The following SPOCK1 variants were observed in gnomAD, a reference collection of about 807,000 sequenced individuals.
SPOCK1 encodes the protein SPARC (osteonectin), cwcv and kazal like domains proteoglycan 1.
A neutral mutation model predicts 55.3 loss-of-function variants in SPOCK1; 23 were observed. That is an observed-to-expected ratio of 0.42 (90% CI 0.30 to 0.59). The LOEUF (loss-of-function observed/expected upper bound fraction) is 0.59. SPOCK1 is among the 20% of genes least tolerant of loss of function. SPOCK1 has a pLI of 0.22. For synonymous variants in SPOCK1, 226 were observed against 221.0 expected, an observed-to-expected ratio of 1.02 and a Z score of -0.20; for missense variants, 499 against 552.5, an observed-to-expected ratio of 0.90 and a Z score of 0.97.
chr5:136,992,563 C>T lies in SPOCK1; in HGVS notation c.627G>A (p.Arg209=). ...TDKELRNLAS[R]LKDWFGALHE... is the part of the protein sequence containing the mutation. ...GGAGAGCTCCAAACCAATCCTTCAG[C>T]CGGGAGGCAAGGTTCCGCAACTCCT... The change falls in exon 7 of 11, where the codon CGG becomes CGA. Residue 209 remains arginine (R), a synonymous_variant. Transcript: ENST00000394945. 10 of 1,613,768 alleles carry T rather than the reference C, an allele frequency of 6.2e-6. No individual in the cohort carries two copies. The highest frequency in any genetic ancestry group is 8.5e-6 in the Non-Finnish European group (10 of 1,179,818).
At chr5:137,086,132 G>A (rs1752956608) in intron 5 of SPOCK1, among the ~76,000 whole-genome samples, 1 of 152,180 alleles carries the variant, frequency 6.6e-6, no homozygotes, top group African/African-American at 2.4e-5. Flanking sequence ...TGGAGGCAAA[G>A]CACACCTGAC....
At chr5:137,330,595 A>T (rs1339217912) in intron 2 of SPOCK1, among the ~76,000 whole-genome samples, 1 of 152,244 alleles carries the variant, frequency 6.6e-6, no homozygotes, top group African/African-American at 2.4e-5. Context: ...TAGTAAAAAT[A>T]TCCACTCATG....
At chr5:137,032,140 T>C (rs1751793016) in intron 6 of SPOCK1, among the ~76,000 whole-genome samples, 1 of 151,772 alleles carries the variant, frequency 6.6e-6, no homozygotes, top group Non-Finnish European at 1.5e-5. Context: ...CTCCTCAAAC[T>C]CACTAGAAAC....
chr5:137,005,032 G>T (rs1751219457), intron 6 of SPOCK1, among the ~76,000 whole-genome samples: 1 of 152,200 alleles, frequency 6.6e-6, no homozygotes, highest in African/African-American at 2.4e-5. Context: ...CTTCTTGTAG[G>T]CAAGAGGCTT....
chr5:137,064,000 A>G (rs1335129185), intron 6 of SPOCK1, among the ~76,000 whole-genome samples: 2 of 152,184 alleles, frequency 1.3e-5, no homozygotes, highest in Admixed American at 1.3e-4. Flanking sequence ...AGGGCCAAGA[A>G]GAAGCTGAGA....
In SPOCK1 at chr5:137,211,576, T is replaced by C. The variant is rs149638691; in HGVS notation, c.232+55434A>G. On this transcript the variant is annotated intron_variant, in intron 3 of 10. Coordinates refer to ENST00000394945, the MANE Select transcript of SPOCK1 (RefSeq NM_004598.4). ...AATCTCTGGAGTGATGAGTGTCTTT[T>C]GTACGCTAATGAGTTGACTGGCAGT... Among the ~76,000 whole-genome samples, 79 of 152,274 alleles carry C rather than the reference T, an allele frequency of 5.2e-4. 1 individual carries two copies. The East Asian group carries it at 0.014, about 28-fold the overall frequency.
At chr5:137,178,106 T>C (rs962643810) in intron 3 of SPOCK1, among the ~76,000 whole-genome samples, 1 of 152,178 alleles carries the variant, frequency 6.6e-6, no homozygotes, top group African/African-American at 2.4e-5. Flanking sequence ...ACCATCCAGA[T>C]CAATGCAAGT....
chr5:137,174,458 G>A (rs1754814822), intron 3 of SPOCK1, among the ~76,000 whole-genome samples: 1 of 152,090 alleles, frequency 6.6e-6, no homozygotes, highest in Admixed American at 6.5e-5. Context: ...TTTCATACAT[G>A]CCCTAATTTC....
intron 8 of SPOCK1, among the ~76,000 whole-genome samples, chr5:136,986,015 C>A (rs1040387568): frequency 1.3e-5 from 2 of 152,144 alleles, no homozygotes; most frequent in South Asian, 4.1e-4. Context: ...GCAGGCCCCA[C>A]ACTTGCATAT....
chr5:137,170,714 T>C (rs776983838), intron 3 of SPOCK1, among the ~76,000 whole-genome samples: 9 of 152,158 alleles, frequency 5.9e-5, no homozygotes, highest in South Asian at 4.1e-4. Context: ...CTAATTATGC[T>C]GCCTCCCTGA....
chr5:137,469,611 A>T (rs1014990082), intron 2 of SPOCK1, among the ~76,000 whole-genome samples: 7 of 152,366 alleles, frequency 4.6e-5, no homozygotes, highest in African/African-American at 1.4e-4. Flanking sequence ...TGTACTGCAC[A>T]TATCTAAAGG....
At chr5:137,080,305 T>C (rs1016468881) in intron 5 of SPOCK1, among the ~76,000 whole-genome samples, 1 of 152,206 alleles carries the variant, frequency 6.6e-6, no homozygotes, top group African/African-American at 2.4e-5. Context: ...CTAAAGTCTG[T>C]GCTCTTAAGA....
chr5:137,101,338 T>C (rs558684899), intron 5 of SPOCK1, among the ~76,000 whole-genome samples: 2 of 152,358 alleles, frequency 1.3e-5, no homozygotes, highest in South Asian at 2.1e-4. Flanking sequence ...CTTAATTTCA[T>C]CTCCTGATGA....
chr5:137,029,732 T>C (rs985904786), intron 6 of SPOCK1, among the ~76,000 whole-genome samples: 7 of 152,238 alleles, frequency 4.6e-5, no homozygotes, highest in African/African-American at 1.2e-4. Flanking sequence ...TGGTGGCTCA[T>C]GCCTATAATC....
Position 136,978,220 on chromosome 5 carries a change from C to T in SPOCK1, c.*434G>A. On this transcript the variant is annotated 3_prime_UTR_variant, in exon 11 of 11. Transcript: ENST00000394945. Reference sequence around the variant, plus strand: ...TTTGTTTTTTTCTTTTTCACAACATCTACAGGACACAAGAGAAGCACTTAG... The same window carrying T: ...TTTGTTTTTTTCTTTTTCACAACATTTACAGGACACAAGAGAAGCACTTAG... 1 of 318,988 alleles carries T rather than the reference C, an allele frequency of 3.1e-6. No homozygotes were observed. The highest frequency in any genetic ancestry group is 5.7e-6 in the Non-Finnish European group (1 of 176,644). The allele number at this position is 318,988 out of a possible 1,614,324, so 19.8% of individuals were successfully genotyped here. A position where few individuals can be genotyped will look rare whatever the true frequency, so the allele number is the denominator to read the frequency against.
intron 2 of SPOCK1, among the ~76,000 whole-genome samples, chr5:137,401,558 C>CAAAAAAAAAAA (rs34044799): frequency 1.0e-5 from 1 of 100,452 alleles, no homozygotes. Flanking sequence ...CTCATCTCTA[C>CAAAAAAAAAAA]AAAAAAAAAA....
At position 137,320,368 on chromosome 5, in the gene SPOCK1, G is replaced by T. The variant is rs148014343; in HGVS notation, c.187-53313C>A. 3.1e-4 allele frequency among the ~76,000 whole-genome samples: 47 copies of T among 152,242 alleles called. No homozygotes were observed. The East Asian group carries it at 8.3e-3, about 27-fold the overall frequency. ...ACCAGAGAACTTGTAGTATCACACA[G>T]AGACACCAGCACAGCTTGCCACAAT... On this transcript the variant is annotated intron_variant, in intron 2 of 10. Transcript: ENST00000394945.
At chr5:137,369,524 T>C (rs193203102) in intron 2 of SPOCK1, among the ~76,000 whole-genome samples, 45 of 152,316 alleles carry the variant, frequency 3.0e-4, no homozygotes, top group Admixed American at 5.9e-4. Flanking sequence ...TATCCCCAGA[T>C]TGACCTGGGT....
intron 3 of SPOCK1, among the ~76,000 whole-genome samples, chr5:137,169,445 CAAATAT>C (rs1754706373): frequency 6.6e-6 from 1 of 151,982 alleles, no homozygotes; most frequent in Non-Finnish European, 1.5e-5. Context: ...ATGTACCCAA[CAAATAT>C]ATATACCTAC....
Sources: gnomAD v4.1 joint callset for allele counts (sites outside exome capture counted in the v4.1 genomes callset) on GRCh38, gnomAD v4.1.1 for gene constraint, MANE v1.5 for transcripts, NCBI Gene and HGNC (gene_info 2026-07-23, HGNC 2026-07-21) for gene names.